The following RNF167 variants were observed in gnomAD, a reference collection of about 807,000 sequenced individuals.
RNF167 encodes ring finger protein 167.
A neutral mutation model predicts 34.8 loss-of-function variants in RNF167; 19 were observed. The ratio of observed to expected loss-of-function variants is 0.55; its 90% CI spans 0.38 to 0.80. The LOEUF is 0.80. Ranked by LOEUF, RNF167 falls within the 30% of genes least tolerant of loss-of-function variation. RNF167 has a pLI of 0.00. For synonymous variants in RNF167, 200 were observed against 170.4 expected (o/e 1.17, Z -1.35); for missense variants, 464 against 447.0 (o/e 1.04, Z -0.34).
rs1329501855 is a variant in RNF167 at position 4,940,930 on chromosome 17, G to A, written c.21G>A (p.Pro7=). The change falls in exon 2 of 10, where the codon CCG becomes CCA. Residue 7 remains proline (P), a synonymous_variant. Coordinates refer to ENST00000262482, the MANE Select transcript of RNF167 (RefSeq NM_015528.3). Reference sequence around the variant, plus strand: ...CTGCCATGCACCCTGCAGCCTTCCCGCTTCCTGTGGTTGTGGCCGCTGTGC... The same window carrying A: ...CTGCCATGCACCCTGCAGCCTTCCCACTTCCTGTGGTTGTGGCCGCTGTGC... MHPAAF[P]LPVVVAAVLW... is the part of the protein sequence containing the mutation. 5 of 1,608,462 alleles carry A rather than the reference G, an allele frequency of 3.1e-6. No homozygotes were observed. In the East Asian group the frequency reaches 1.1e-4, roughly 36 times the overall value.
chr17:4,944,890 A>C lies in RNF167; in HGVS notation c.927A>C (p.Pro309=), dbSNP rs756492146. The stretch of plus-strand genomic sequence containing the variant: ...ACCACCCTGCCTCAGAAAGGACCCC[A>C]CTTTTGGGTTCTAGCCCCACTCTTC... The part of the protein sequence containing the change: ...PRDHPASERT[P]LLGSSPTLPT... The change falls in exon 10 of 10, where the codon CCA becomes CCC. Residue 309 remains proline, a synonymous_variant. Transcript: ENST00000262482. 1.9e-6 allele frequency: 3 copies of C among 1,613,800 alleles called. No individual in the cohort carries two copies. Among genetic ancestry groups the C allele is most frequent in the Admixed American group, 1.7e-5 (1 of 59,974 alleles).
rs1328544502 is a variant in RNF167 at position 4,943,054 on chromosome 17, C to A, written c.470+113C>A. Reference sequence around the variant, plus strand: ...TCAGCCTCCTGTCCTTCCTTCCCTGCCTCTTTGACTTTCTTCCCATTCCTG... The same window carrying A: ...TCAGCCTCCTGTCCTTCCTTCCCTGACTCTTTGACTTTCTTCCCATTCCTG... On this transcript the variant is annotated intron_variant, in intron 6 of 9. Coordinates refer to ENST00000262482, the MANE Select transcript of RNF167 (RefSeq NM_015528.3). 5 of 1,296,370 alleles carry A rather than the reference C, an allele frequency of 3.9e-6. No homozygotes were observed. In the Admixed American group the frequency reaches 9.1e-5, roughly 24 times the overall value. The allele number at this position is 1,296,370 out of a possible 1,614,324, so 80.3% of individuals were successfully genotyped here.
At position 4,945,220 on chromosome 17, in the gene RNF167, T is replaced by C; in HGVS notation, c.*204T>C. 1 of 489,088 alleles carries C rather than the reference T, an allele frequency of 2.0e-6. No individual in the cohort carries two copies. Among genetic ancestry groups the C allele is most frequent in the Non-Finnish European group, 3.6e-6 (1 of 279,760 alleles). 30.3% of individuals were successfully genotyped at this position (489,088 alleles called of 1,614,324 possible). ...CTAATAAAATTGTTTCTTTGTGGAC[T>C]AAGGAAGGGTAAGATCATTCTCACA... is the stretch of plus-strand genomic sequence containing the variant. On this transcript the variant is annotated 3_prime_UTR_variant, in exon 10 of 10. Transcript: ENST00000262482.
chr17:4,943,540 G>T, intron 8 of RNF167, 21 bp downstream of exon 8: 1 of 1,586,300 alleles, frequency 6.3e-7, no homozygotes, highest in Non-Finnish European at 8.6e-7. Flanking sequence ...TAGGGGAGAA[G>T]AGGGCTTTTC....
chr17:4,945,214 G>A lies in RNF167; in HGVS notation c.*198G>A, dbSNP rs771655316. The A allele has an allele frequency of 1.0e-5, 5 of 499,782 alleles. No homozygotes were observed. Among genetic ancestry groups the A allele is most frequent in the Non-Finnish European group, 1.7e-5 (5 of 286,926 alleles). 31.0% of individuals were successfully genotyped at this position (499,782 alleles called of 1,614,324 possible). On this transcript the variant is annotated 3_prime_UTR_variant, in exon 10 of 10. Transcript: ENST00000262482. ...CTTGGGCTAATAAAATTGTTTCTTT[G>A]TGGACTAAGGAAGGGTAAGATCATT...
rs1484622917 is a variant in RNF167, at chr17:4,943,488, G to A, written c.639G>A (p.Leu213=). ...GGAATCGACTTACCAAAGAGCAACT[G>A]AAACAGATTCCTACACATGACTATC... The part of the protein sequence containing the change: ...LQRNRLTKEQ[L]KQIPTHDYQK... The change falls in exon 8 of 10, where the codon CTG becomes CTA. Residue 213 remains leucine, a synonymous_variant. Coordinates refer to ENST00000262482, the MANE Select transcript of RNF167 (RefSeq NM_015528.3). The A allele has an allele frequency of 6.2e-7, 1 of 1,613,786 alleles. No individual in the cohort carries two copies. Among genetic ancestry groups the A allele is most frequent in the African/African-American group, 1.3e-5 (1 of 74,932 alleles).
Position 4,940,969 on chromosome 17 carries a change from C to G in RNF167, c.60C>G (p.Ala20=). The G allele has an allele frequency of 6.2e-7, 1 of 1,612,284 alleles. No homozygotes were observed. Among genetic ancestry groups the G allele is most frequent in the Non-Finnish European group, 8.5e-7 (1 of 1,178,688 alleles). Residue 20 remains alanine, a synonymous_variant, in exon 2 of 10, where the codon GCC becomes GCG. Transcript: ENST00000262482. ...TGGCCGCTGTGCTGTGGGGAGCGGC[C>G]CCGACCCGGGGGCTCATTCGAGCGG... is the stretch of plus-strand genomic sequence containing the variant. ...VVVAAVLWGA[A]PTRGLIRATS...
In RNF167 at chr17:4,942,598, G is replaced by A; in HGVS notation, c.313G>A (p.Gly105Arg). ...DLKVLNAQKA[G>R]YGAAVVHNVN... ...CTAGGTCCTAAATGCCCAGAAGGCTGGATATGGTGCCGCTGTAGTACACAA... is the reference window on the plus strand; with the variant it reads ...CTAGGTCCTAAATGCCCAGAAGGCTAGATATGGTGCCGCTGTAGTACACAA... The change falls in exon 5 of 10, where the codon GGA becomes AGA. Residue 105 changes from glycine to arginine, a missense_variant. Transcript: ENST00000262482. 5 of 1,614,190 alleles carry A rather than the reference G, an allele frequency of 3.1e-6. No homozygotes were observed. Among genetic ancestry groups the A allele is most frequent in the Non-Finnish European group, 4.2e-6 (5 of 1,180,026 alleles).
chr17:4,944,782 GCCTGTTCATCGGGGT>G lies in RNF167; in HGVS notation c.824_838del (p.Val275_Pro279del). 1 of 1,612,736 alleles carries G rather than the reference GCCTGTTCATCGGGGT, an allele frequency of 6.2e-7. No individual in the cohort carries two copies. Among genetic ancestry groups the G allele is most frequent in the Non-Finnish European group, 8.5e-7 (1 of 1,179,214 alleles). On this transcript the variant is annotated inframe_deletion, in exon 10 of 10. Transcript: ENST00000262482. ...GGAAGACCTGCCCCATTTGCAAGCA[GCCTGTTCATCGGGGT>G]CCTGGGGACGAAGACCAAGAGGAAG...
Position 4,942,479 on chromosome 17 carries a change from G to A in RNF167, c.291+13G>A, listed in dbSNP as rs1970919174. ...CTTTGACCTCAAGGTTGCTGAATGA[G>A]GAAGGGGAGCTGGGCAGCTGAGGGT... On this transcript the variant is annotated intron_variant, in intron 4 of 9. Transcript: ENST00000262482. 7 of 1,614,020 alleles carry A rather than the reference G, an allele frequency of 4.3e-6. No homozygotes were observed. The highest frequency in any genetic ancestry group is 5.1e-6 in the Non-Finnish European group (6 of 1,179,916).
At chr17:4,941,903 C>T (rs1323800263) in intron 3 of RNF167, among the ~76,000 whole-genome samples, 2 of 151,846 alleles carry the variant, frequency 1.3e-5, no homozygotes, top group African/African-American at 2.4e-5. Context: ...GGTGACAAAA[C>T]GAGACTCCAT....
At chr17:4,942,740 AAAG>A in intron 5 of RNF167, 76 bp downstream of exon 5, 1 of 1,587,520 alleles carries the variant, frequency 6.3e-7, no homozygotes, top group Middle Eastern at 1.7e-4. Flanking sequence ...GGCCTCAGGA[AAAG>A]AAGCCAATCC....
At chr17:4,941,192 C>T (rs973654308) in intron 3 of RNF167, 35 bp downstream of exon 3, 7 of 1,496,070 alleles carry the variant, frequency 4.7e-6, no homozygotes, top group African/African-American at 4.1e-5. Context: ...TCCTTCCCTC[C>T]CTTCCTTCCT....
intron 4 of RNF167, 28 bp downstream of exon 4, chr17:4,942,494 C>A (rs772563398): frequency 1.4e-5 from 23 of 1,613,414 alleles, no homozygotes; most frequent in South Asian, 5.5e-5. Context: ...GGGAGCTGGG[C>A]AGCTGAGGGT....
rs1001935294 is a variant in RNF167, at chr17:4,940,684, A to G, written c.-226A>G. The G allele has an allele frequency of 2.3e-6, 1 of 432,774 alleles. No homozygotes were observed. The highest frequency in any genetic ancestry group is 2.0e-5 in the African/African-American group (1 of 49,258). The allele number at this position is 432,774 out of a possible 1,614,324, so 26.8% of individuals were successfully genotyped here. On this transcript the variant is annotated 5_prime_UTR_variant, in exon 2 of 10. Transcript: ENST00000262482. ...TTTCCGCGTTTTATCCCCGTACCAG[A>G]AAAGGATACATTTAGTGCCTCCCAC...
At chr17:4,943,386 T>C in intron 7 of RNF167, 40 bp from the exon 8 acceptor site, 2 of 1,598,010 alleles carry the variant, frequency 1.3e-6, no homozygotes, top group Middle Eastern at 1.7e-4. Flanking sequence ...TTGTCTAGTT[T>C]TGTTCCTAAG....
At chr17:4,942,079 C>A (rs1350240104) in intron 3 of RNF167, among the ~76,000 whole-genome samples, 1 of 152,084 alleles carries the variant, frequency 6.6e-6, no homozygotes, top group Non-Finnish European at 1.5e-5. Context: ...ATTGCATTAG[C>A]TTGCAGTATA....
upstream of RNF167, chr17:4,940,186 G>A (rs1970639697): frequency 2.8e-6 from 1 of 358,916 alleles, no homozygotes; most frequent in Non-Finnish European, 4.9e-6. Flanking sequence ...AATTAGAATC[G>A]CGGGAAAATA....
At position 4,940,762 on chromosome 17, in the gene RNF167, C is replaced by G; in HGVS notation, c.-148C>G. 1.6e-6 allele frequency: 1 copy of G among 628,390 alleles called. No homozygotes were observed. The highest frequency in any genetic ancestry group is 2.6e-6 in the Non-Finnish European group (1 of 378,596). 38.9% of individuals were successfully genotyped at this position (628,390 alleles called of 1,614,324 possible). On this transcript the variant is annotated 5_prime_UTR_variant, in exon 2 of 10. Coordinates refer to ENST00000262482, the MANE Select transcript of RNF167 (RefSeq NM_015528.3). ...TCATTCTTTGAGTTGGTGTTCCTTC[C>G]CCGGCGCCCCCATGTAGCTGGGAAG...
Sources: gnomAD v4.1 joint callset for allele counts (sites outside exome capture counted in the v4.1 genomes callset) on GRCh38, gnomAD v4.1.1 for gene constraint, MANE v1.5 for transcripts, NCBI Gene and HGNC (gene_info 2026-07-23, HGNC 2026-07-21) for gene names.